Variants in EHD3 observed in about 807,000 individuals in gnomAD.
EHD3 encodes the protein EH domain containing 3.
A neutral mutation model predicts 43.0 loss-of-function variants in EHD3; 17 were observed. That is an observed-to-expected ratio of 0.40 (90% CI 0.27 to 0.59). EHD3 has a LOEUF of 0.59. Ranked by LOEUF, EHD3 falls within the 20% of genes least tolerant of loss-of-function variation. The pLI, the probability that EHD3 is intolerant of heterozygous loss-of-function variation, is 0.49. For synonymous variants in EHD3, 313 were observed against 289.5 expected (o/e 1.08, Z -0.82); for missense variants, 594 against 705.6 (o/e 0.84, Z 1.79).
intron 1 of EHD3, among the ~76,000 whole-genome samples, chr2:31,242,266 A>G (rs963315150): frequency 1.3e-5 from 2 of 152,190 alleles, no homozygotes; most frequent in African/African-American, 4.8e-5. Context: ...GCTGCAGTCC[A>G]CCTGTGCACA....
chr2:31,242,504 C>T (rs1421220523), intron 1 of EHD3, among the ~76,000 whole-genome samples: 1 of 152,160 alleles, frequency 6.6e-6, no homozygotes, highest in Non-Finnish European at 1.5e-5. Context: ...TGCCTAATAC[C>T]CAAGGGCACA....
rs768381213 is a variant in EHD3, at chr2:31,260,966, A to G, written c.915+44A>G. On this transcript the variant is annotated intron_variant, in intron 4 of 5. Coordinates refer to ENST00000322054, the MANE Select transcript of EHD3 (RefSeq NM_014600.3). This position sits in a 1 kb window ranked among gnomAD's most constrained non-coding sequence, Gnocchi z 4.6. The stretch of plus-strand genomic sequence containing the variant: ...AGGTGGGCAGCTTGGGCAGGGGCCC[A>G]GAGTTTGGGGTCAGCTGCACGAGCT... 2 of 1,550,128 alleles carry G rather than the reference A, an allele frequency of 1.3e-6. No homozygotes were observed. Among genetic ancestry groups the G allele is most frequent in the Non-Finnish European group, 1.7e-6 (2 of 1,151,832 alleles).
rs1683965690 is a variant in EHD3 at position 31,266,944 on chromosome 2, A to C, written c.*240A>C. The C allele has an allele frequency of 3.7e-6, 2 of 536,252 alleles. No individual in the cohort carries two copies. Among genetic ancestry groups the C allele is most frequent in the African/African-American group, 1.9e-5 (1 of 52,968 alleles). The allele number at this position is 536,252 out of a possible 1,614,324, so 33.2% of individuals were successfully genotyped here. A position where few individuals can be genotyped will look rare whatever the true frequency, so the allele number is the denominator to read the frequency against. ...GAGCACTCCCAGGCCCCAGAGTCTA[A>C]GCCTAAGTCTCTATCGCTCTTCCCC... is the stretch of plus-strand genomic sequence containing the variant. On this transcript the variant is annotated 3_prime_UTR_variant, in exon 6 of 6. Transcript: ENST00000322054. The surrounding 1 kb of genome is among the most constrained non-coding windows in gnomAD (Gnocchi z 5.1).
intron 3 of EHD3, among the ~76,000 whole-genome samples, chr2:31,257,610 G>C (rs1249216898): frequency 6.6e-6 from 1 of 152,208 alleles, no homozygotes; most frequent in African/African-American, 2.4e-5. Context: ...GCCTGCCTCA[G>C]AGCGTGTCGT....
chr2:31,242,516 G>A (rs913116335), intron 1 of EHD3, among the ~76,000 whole-genome samples: 8 of 152,206 alleles, frequency 5.3e-5, no homozygotes, highest in Non-Finnish European at 1.0e-4. Context: ...AAGGGCACAA[G>A]GGAGGACTCA....
At chr2:31,264,881 G>A (rs1352574895) in intron 5 of EHD3, among the ~76,000 whole-genome samples, 5 of 152,040 alleles carry the variant, frequency 3.3e-5, no homozygotes, top group African/African-American at 1.2e-4. Context: ...AATGTACATT[G>A]TATATCTATA....
chr2:31,234,947 A>G, intron 1 of EHD3, 99 bp downstream of exon 1: 1 of 1,176,534 alleles, frequency 8.5e-7, no homozygotes, highest in Non-Finnish European at 1.2e-6. Context: ...ACCAATGGGA[A>G]GCCTTCAGTT....
In EHD3 at chr2:31,234,354, T is replaced by G; in HGVS notation, c.-268T>G. The G allele has an allele frequency of 8.3e-6, 4 of 480,184 alleles. No individual in the cohort carries two copies. The highest frequency in any genetic ancestry group is 4.3e-5 in the South Asian group (2 of 46,158). 29.7% of individuals were successfully genotyped at this position (480,184 alleles called of 1,614,324 possible). Reference sequence around the variant, plus strand: ...GCAGGTTCAACTTTAATTGCCAAGATTTCACCCCTCCTCCTCAAGCCCAGA... The same window carrying G: ...GCAGGTTCAACTTTAATTGCCAAGAGTTCACCCCTCCTCCTCAAGCCCAGA... On this transcript the variant is annotated 5_prime_UTR_variant, in exon 1 of 6. Transcript: ENST00000322054.
chr2:31,259,358 C>G (rs1683805719), intron 3 of EHD3, among the ~76,000 whole-genome samples: 1 of 152,192 alleles, frequency 6.6e-6, no homozygotes, highest in African/African-American at 2.4e-5. Flanking sequence ...TCTTGTCTTC[C>G]TATTTTATGT....
At chr2:31,235,144 G>A (rs1683300756) in intron 1 of EHD3, among the ~76,000 whole-genome samples, 2 of 152,126 alleles carry the variant, frequency 1.3e-5, no homozygotes, top group Non-Finnish European at 2.9e-5. Context: ...ATGAAACCGA[G>A]GCCCAGGAGG....
intron 1 of EHD3, among the ~76,000 whole-genome samples, chr2:31,239,215 G>A (rs1342080875): frequency 1.3e-5 from 2 of 152,238 alleles, no homozygotes; most frequent in East Asian, 3.9e-4. Context: ...GGGATAGAGT[G>A]AGAGGGCCAC....
intron 2 of EHD3, among the ~76,000 whole-genome samples, chr2:31,246,155 C>A (rs1227067884): frequency 6.6e-6 from 1 of 151,758 alleles, no homozygotes; most frequent in Non-Finnish European, 1.5e-5. Context: ...ATGAGGAGGT[C>A]GTGGTGGTAA....
chr2:31,246,771 CT>C (rs1683531330), intron 2 of EHD3, among the ~76,000 whole-genome samples: 1 of 151,772 alleles, frequency 6.6e-6, no homozygotes, highest in Non-Finnish European at 1.5e-5. Context: ...AAAGACACCT[CT>C]TTGAATATTA....
At chr2:31,237,131 A>G (rs1249009161) in intron 1 of EHD3, among the ~76,000 whole-genome samples, 1 of 152,148 alleles carries the variant, frequency 6.6e-6, no homozygotes, top group African/African-American at 2.4e-5. Context: ...ACCACAGGGA[A>G]CCCTCCAGAA....
At position 31,260,869 on chromosome 2, in the gene EHD3, A is replaced by C. The variant is rs1431518723; in HGVS notation, c.862A>C (p.Asn288His). 3.1e-6 allele frequency: 5 copies of C among 1,614,056 alleles called. No homozygotes were observed. Among genetic ancestry groups the C allele is most frequent in the Non-Finnish European group, 4.2e-6 (5 of 1,179,988 alleles). Reference protein sequence around the residue: ...LFRDIQSLPRNAALRKLNDLI... With the variant: ...LFRDIQSLPRHAALRKLNDLI... The stretch of plus-strand genomic sequence containing the variant: ...CAGGGACATCCAGAGTCTGCCCCGA[A>C]ATGCTGCCCTGCGCAAGCTCAACGA... The change falls in exon 4 of 6, where the codon AAT (asparagine) becomes CAT (histidine). Residue 288 changes from asparagine to histidine, a missense_variant. Around this residue, in one of 3 missense-constraint regions of EHD3, gnomAD observed 322 missense variants for 348.0 expected, o/e 0.93. Transcript: ENST00000322054. The surrounding 1 kb of genome is among the most constrained non-coding windows in gnomAD (Gnocchi z 4.6).
rs1276450084 is a variant in EHD3 at position 31,244,255 on chromosome 2, C to T, written c.228-19C>T. Reference sequence around the variant, plus strand: ...TTTGCGCAGAACGCCTGCATTAGGACTGTGCTTCTTCCTGCTAGGTACCTG... The same window carrying T: ...TTTGCGCAGAACGCCTGCATTAGGATTGTGCTTCTTCCTGCTAGGTACCTG... On this transcript the variant is annotated intron_variant, in intron 1 of 5. Coordinates refer to ENST00000322054, the MANE Select transcript of EHD3 (RefSeq NM_014600.3). The T allele has an allele frequency of 1.9e-6, 3 of 1,609,618 alleles. No individual in the cohort carries two copies. Among genetic ancestry groups the T allele is most frequent in the South Asian group, 2.2e-5 (2 of 90,786 alleles).
chr2:31,260,031 T>C lies in EHD3; in HGVS notation c.503-479T>C, dbSNP rs1445636677. Among the ~76,000 whole-genome samples the C allele has an allele frequency of 3.3e-5, 5 of 152,096 alleles. No homozygotes were observed. Among genetic ancestry groups the C allele is most frequent in the Non-Finnish European group, 7.4e-5 (5 of 68,016 alleles). On this transcript the variant is annotated intron_variant, in intron 3 of 5. Coordinates refer to ENST00000322054, the MANE Select transcript of EHD3 (RefSeq NM_014600.3). This position sits in a 1 kb window ranked among gnomAD's most constrained non-coding sequence, Gnocchi z 4.6. ...AGCCTGGCTAACATGGTTAAACCTG[T>C]CTCTACTAAAAACACAAAAATTAGA... is the stretch of plus-strand genomic sequence containing the variant.
intron 5 of EHD3, 40 bp downstream of exon 5, chr2:31,261,753 C>T: frequency 1.2e-6 from 2 of 1,603,330 alleles, no homozygotes; most frequent in African/African-American, 1.3e-5. Context: ...GGACAGTGTC[C>T]CGAGAGCTGG....
intron 5 of EHD3, 89 bp downstream of exon 5, chr2:31,261,802 C>G: frequency 6.7e-7 from 1 of 1,494,730 alleles, no homozygotes; most frequent in Middle Eastern, 2.4e-4. Context: ...CTCTTGGAGC[C>G]CCCCAGGGAG....
Sources: allele counts gnomAD v4.1 joint callset (sites outside exome capture counted in the v4.1 genomes callset), GRCh38; gene constraint gnomAD v4.1.1; regional missense constraint gnomAD v4.1.1; non-coding constraint Gnocchi (gnomAD v3.1); transcripts MANE v1.5; gene names NCBI Gene and HGNC (gene_info 2026-07-23, HGNC 2026-07-21).